The following CSMD1 variants were observed in gnomAD, a reference collection of about 807,000 sequenced individuals.
CSMD1 encodes CUB and sushi domain-containing protein 1.
In CSMD1, 213 loss-of-function variants were observed where a neutral mutation model predicts 417.5. The ratio of observed to expected loss-of-function variants is 0.51; its 90% CI spans 0.46 to 0.57. CSMD1 has a LOEUF of 0.57. CSMD1 is among the 20% of genes least tolerant of loss of function. The pLI is 0.00. For synonymous variants in CSMD1, 2,862 were observed against 1,736.8 expected (o/e 1.65, Z -16.11); for missense variants, 6,923 against 4,529.7 (o/e 1.53, Z -15.17).
chr8:3,343,270 G>A (rs773389198), intron 23 of CSMD1, 24 bp downstream of exon 23: 4 of 1,599,314 alleles, frequency 2.5e-6, no homozygotes, highest in South Asian at 1.1e-5. Flanking sequence ...AAAAAAGAAC[G>A]TGATTAAGTC....
intron 1 of CSMD1, among the ~76,000 whole-genome samples, chr8:4,939,084 C>A (rs1807812969): frequency 6.6e-6 from 1 of 152,226 alleles, no homozygotes; most frequent in African/African-American, 2.4e-5. Flanking sequence ...TCTCCCCCCT[C>A]TGCGGGTTGC....
rs552141716 is a variant in CSMD1, at chr8:3,092,647, G to T, written c.7139-985C>A. The stretch of plus-strand genomic sequence containing the variant: ...TGGTATTTGAAATTGTTTTAAAAAC[G>T]TTGAGACAACAAAGTTAACATTGAA... On this transcript the variant is annotated intron_variant, in intron 47 of 69. Coordinates refer to ENST00000635120, the MANE Select transcript of CSMD1 (RefSeq NM_033225.6). Among the ~76,000 whole-genome samples, 15 of 152,242 alleles carry T rather than the reference G, an allele frequency of 9.9e-5. No individual in the cohort carries two copies. In the East Asian group the frequency reaches 2.5e-3, roughly 25 times the overall value.
chr8:4,083,816 G>C (rs1428351400), intron 3 of CSMD1, among the ~76,000 whole-genome samples: 1 of 152,120 alleles, frequency 6.6e-6, no homozygotes, highest in African/African-American at 2.4e-5. Flanking sequence ...AAAAGCAATG[G>C]CAACAAAAGC....
At chr8:3,448,230 A>C (rs919084792) in intron 12 of CSMD1, among the ~76,000 whole-genome samples, 2 of 146,492 alleles carry the variant, frequency 1.4e-5, no homozygotes, top group African/African-American at 5.1e-5. Context: ...GCCAACTCTC[A>C]AAAGGGAGAA....
chr8:3,132,500 G>A (rs747001726), intron 41 of CSMD1, among the ~76,000 whole-genome samples: 1 of 152,100 alleles, frequency 6.6e-6, no homozygotes, highest in Admixed American at 6.5e-5. Context: ...TCTTCAAAGT[G>A]TCACTTTGAT....
At chr8:4,674,156 G>C (rs941652354) in intron 1 of CSMD1, among the ~76,000 whole-genome samples, 2 of 152,152 alleles carry the variant, frequency 1.3e-5, no homozygotes, top group Non-Finnish European at 2.9e-5. Context: ...AACCATAGAT[G>C]AGGTGGGAAA....
chr8:3,012,991 C>A lies in CSMD1; in HGVS notation c.8029+5486G>T, dbSNP rs566332930. On this transcript the variant is annotated intron_variant, in intron 52 of 69. Transcript: ENST00000635120. ...GAGTTCCCCTGCACACGCTCTCTTG[C>A]CTGTCACCATGTAAGATGTGCCTTT... 4.2e-3 allele frequency among the ~76,000 whole-genome samples: 642 copies of A among 152,312 alleles called. 2 individuals carry two copies. Among genetic ancestry groups the A allele is most frequent in the Non-Finnish European group, 7.0e-3 (473 of 68,024 alleles).
chr8:4,561,402 G>C lies in CSMD1; in HGVS notation c.302+75940C>G, dbSNP rs140999909. On this transcript the variant is annotated intron_variant, in intron 2 of 69. Transcript: ENST00000635120. Reference sequence around the variant, plus strand: ...ACAAAACAAAACAAAAAAAATTCTGGCCAGGCACAGTGGCTCATGCCTGTA... The same window carrying C: ...ACAAAACAAAACAAAAAAAATTCTGCCCAGGCACAGTGGCTCATGCCTGTA... Among the ~76,000 whole-genome samples, 190 of 152,230 alleles carry C rather than the reference G, an allele frequency of 1.2e-3. 1 individual carries two copies. The highest frequency in any genetic ancestry group is 4.3e-3 in the African/African-American group (179 of 41,546).
intron 3 of CSMD1, among the ~76,000 whole-genome samples, chr8:4,206,434 T>C (rs1799986222): frequency 6.6e-6 from 1 of 150,990 alleles, no homozygotes; most frequent in Non-Finnish European, 1.5e-5. Context: ...GAACATGCGG[T>C]GTTTGGTTTT....
At chr8:3,747,742 G>C (rs1211630692) in intron 6 of CSMD1, among the ~76,000 whole-genome samples, 4 of 152,036 alleles carry the variant, frequency 2.6e-5, no homozygotes, top group African/African-American at 9.7e-5. Flanking sequence ...TGGTAAAACA[G>C]TTTTCTAAAA....
At chr8:3,726,320 T>A (rs1802493407) in intron 6 of CSMD1, among the ~76,000 whole-genome samples, 1 of 152,166 alleles carries the variant, frequency 6.6e-6, no homozygotes, top group African/African-American at 2.4e-5. Flanking sequence ...CTTTCTTCAT[T>A]AGGCCAATAA....
intron 3 of CSMD1, among the ~76,000 whole-genome samples, chr8:4,228,052 C>T (rs1305944440): frequency 6.6e-6 from 1 of 151,766 alleles, no homozygotes; most frequent in Non-Finnish European, 1.5e-5. Flanking sequence ...CCAGGAAGCA[C>T]GCCCTCTAAC....
chr8:4,124,388 G>A (rs141116794), intron 3 of CSMD1, among the ~76,000 whole-genome samples: 1 of 132,674 alleles, frequency 7.5e-6, no homozygotes, highest in African/African-American at 2.9e-5. Context: ...TATCAAAAAG[G>A]AGACAGGGGA....
At chr8:3,076,983 C>T (rs1213228534) in intron 49 of CSMD1, among the ~76,000 whole-genome samples, 1 of 151,832 alleles carries the variant, frequency 6.6e-6, no homozygotes, top group African/African-American at 2.4e-5. Flanking sequence ...CAACCCTCAC[C>T]CCTGCTCACC....
chr8:3,563,137 C>T (rs1799541524), intron 10 of CSMD1, among the ~76,000 whole-genome samples: 3 of 151,932 alleles, frequency 2.0e-5, no homozygotes, highest in Admixed American at 2.0e-4. Context: ...TTTCTTCCCC[C>T]TATTTCATTG....
At chr8:4,300,551 T>A (rs1034544154) in intron 3 of CSMD1, among the ~76,000 whole-genome samples, 1 of 152,172 alleles carries the variant, frequency 6.6e-6, no homozygotes, top group Non-Finnish European at 1.5e-5. Context: ...ATTATTATTA[T>A]GCTTTAAGTT....
intron 57 of CSMD1, among the ~76,000 whole-genome samples, chr8:2,972,029 C>T (rs1262600406): frequency 6.6e-6 from 1 of 151,966 alleles, no homozygotes; most frequent in Non-Finnish European, 1.5e-5. Flanking sequence ...AAAATATATA[C>T]ACTATGCATG....
chr8:3,682,940 G>A (rs185078883), intron 7 of CSMD1, among the ~76,000 whole-genome samples: 3 of 152,132 alleles, frequency 2.0e-5, no homozygotes, highest in Admixed American at 1.3e-4. Context: ...ACTATCTATC[G>A]CAAGGACCAA....
chr8:3,399,253 T>G, intron 16 of CSMD1, 138 bp downstream of exon 16: 1 of 681,124 alleles, frequency 1.5e-6, no homozygotes, highest in Non-Finnish European at 2.4e-6. Context: ...TACAAGTAAG[T>G]GCCTGTTTCT....
Sources: allele counts gnomAD v4.1 joint callset (sites outside exome capture counted in the v4.1 genomes callset), GRCh38; gene constraint gnomAD v4.1.1; transcripts MANE v1.5; gene names NCBI Gene and HGNC (gene_info 2026-07-23, HGNC 2026-07-21).